Variants in TSPAN5 observed in about 807,000 individuals in gnomAD.
The protein encoded by TSPAN5 is tetraspanin 5.
In TSPAN5, 10 loss-of-function variants were observed where a neutral mutation model predicts 37.1. The ratio of observed to expected loss-of-function variants is 0.27; its 90% confidence interval spans 0.17 to 0.46. The LOEUF is 0.46. TSPAN5 is among the 20% of genes least tolerant of loss of function. TSPAN5 has a pLI of 1.00. For synonymous variants in TSPAN5, 110 were observed against 118.9 expected, an observed-to-expected ratio of 0.93 and a Z score of 0.48; for missense variants, 195 against 326.6, an observed-to-expected ratio of 0.60 and a Z score of 3.11.
intron 1 of TSPAN5, among the ~76,000 whole-genome samples, chr4:98,651,348 T>A (rs546624256): frequency 6.6e-6 from 1 of 152,350 alleles, no homozygotes; most frequent in East Asian, 1.9e-4. Context: ...ACTAAAAACA[T>A]GTAACTAAAT....
chr4:98,615,996 C>T (rs1229992095), intron 1 of TSPAN5, among the ~76,000 whole-genome samples: 1 of 152,158 alleles, frequency 6.6e-6, no homozygotes, highest in Non-Finnish European at 1.5e-5. Context: ...TAAGATTCAA[C>T]TGCCAGTGCA....
At chr4:98,658,105 T>A in intron 1 of TSPAN5, 41 bp downstream of exon 1, 1 of 1,548,584 alleles carries the variant, frequency 6.5e-7, no homozygotes. Context: ...CGCGAATCGA[T>A]CGGCCACAAT....
intron 1 of TSPAN5, among the ~76,000 whole-genome samples, chr4:98,655,051 T>C (rs1190253266): frequency 6.6e-6 from 1 of 152,202 alleles, no homozygotes; most frequent in African/African-American, 2.4e-5. Context: ...TTCACCATGT[T>C]GGCCAGGATG....
chr4:98,537,633 C>T (rs761689067), intron 1 of TSPAN5, among the ~76,000 whole-genome samples: 10 of 152,300 alleles, frequency 6.6e-5, no homozygotes, highest in Non-Finnish European at 1.3e-4. Flanking sequence ...TTTCTGCTGG[C>T]AAATCCCATG....
intron 3 of TSPAN5, chr4:98,485,163 G>C (rs1025200623): frequency 3.9e-5 from 6 of 154,578 alleles, no homozygotes; most frequent in African/African-American, 1.5e-4. Context: ...GGCCGAAACT[G>C]ATGAAATAGT....
chr4:98,532,278 G>A (rs1343740197), intron 1 of TSPAN5, among the ~76,000 whole-genome samples: 1 of 152,060 alleles, frequency 6.6e-6, no homozygotes, highest in Non-Finnish European at 1.5e-5. Flanking sequence ...AATTACCTTG[G>A]GCAGTATGGC....
At chr4:98,483,828 T>G (rs1245307837) in intron 3 of TSPAN5, 1 of 152,426 alleles carries the variant, frequency 6.6e-6, no homozygotes, top group Non-Finnish European at 1.5e-5. Context: ...TAATTTCAAT[T>G]TAAACTTTCC....
chr4:98,502,795 A>G (rs1753384502), intron 2 of TSPAN5, among the ~76,000 whole-genome samples: 1 of 152,058 alleles, frequency 6.6e-6, no homozygotes, highest in Non-Finnish European at 1.5e-5. Context: ...GGAAATTTCT[A>G]GTGACATGTC....
chr4:98,606,469 G>A (rs1330315267), intron 1 of TSPAN5, among the ~76,000 whole-genome samples: 1 of 152,130 alleles, frequency 6.6e-6, no homozygotes, highest in Non-Finnish European at 1.5e-5. Flanking sequence ...AAACTATAAT[G>A]GATATACAGG....
chr4:98,524,194 T>C (rs1165629357), intron 1 of TSPAN5, among the ~76,000 whole-genome samples: 2 of 152,250 alleles, frequency 1.3e-5, no homozygotes, highest in Non-Finnish European at 1.5e-5. Flanking sequence ...GGAAAAAAGA[T>C]TGCAAAGAGG....
At chr4:98,578,250 G>C (rs531852342) in intron 1 of TSPAN5, among the ~76,000 whole-genome samples, 5 of 152,232 alleles carry the variant, frequency 3.3e-5, no homozygotes, top group African/African-American at 7.2e-5. Context: ...TATCCCTGCA[G>C]AGCCAACACA....
At chr4:98,655,820 T>C (rs1429724460) in intron 1 of TSPAN5, among the ~76,000 whole-genome samples, 1 of 152,176 alleles carries the variant, frequency 6.6e-6, no homozygotes, top group Non-Finnish European at 1.5e-5. Flanking sequence ...TGCCTTTCTG[T>C]TGATCATCAC....
intron 1 of TSPAN5, among the ~76,000 whole-genome samples, chr4:98,522,602 G>A (rs1753878741): frequency 6.6e-6 from 1 of 152,208 alleles, no homozygotes; most frequent in African/African-American, 2.4e-5. Flanking sequence ...CTTGAGAGAT[G>A]AATGCAGGAT....
At chr4:98,525,735 T>C (rs1380000088) in intron 1 of TSPAN5, among the ~76,000 whole-genome samples, 1 of 152,222 alleles carries the variant, frequency 6.6e-6, no homozygotes, top group Non-Finnish European at 1.5e-5. Flanking sequence ...GAATCTTTAC[T>C]TAGTTTGCTG....
intron 1 of TSPAN5, among the ~76,000 whole-genome samples, chr4:98,543,975 C>T (rs533274180): frequency 1.1e-4 from 16 of 152,032 alleles, no homozygotes; most frequent in South Asian, 8.3e-4. Flanking sequence ...GCCAGGAGTT[C>T]GAGACCAAAG....
At chr4:98,571,546 C>A in intron 1 of TSPAN5, among the ~76,000 whole-genome samples, 1 of 148,716 alleles carries the variant, frequency 6.7e-6, no homozygotes, top group African/African-American at 2.5e-5. Flanking sequence ...TTTTATTATA[C>A]CATTCTGGGT....
intron 1 of TSPAN5, among the ~76,000 whole-genome samples, chr4:98,523,635 C>G (rs1269890391): frequency 6.6e-6 from 1 of 152,150 alleles, no homozygotes; most frequent in Non-Finnish European, 1.5e-5. Flanking sequence ...AAGGTTTCGC[C>G]ATGTTGGCCA....
At chr4:98,528,146 A>G (rs1030786257) in intron 1 of TSPAN5, among the ~76,000 whole-genome samples, 6 of 152,162 alleles carry the variant, frequency 3.9e-5, no homozygotes, top group African/African-American at 1.4e-4. Context: ...GCAAATCAGA[A>G]AAGCCAGCTG....
chr4:98,606,966 T>C (rs1034892810), intron 1 of TSPAN5, among the ~76,000 whole-genome samples: 13 of 152,094 alleles, frequency 8.5e-5, no homozygotes, highest in African/African-American at 3.1e-4. Context: ...GCAAAGGGCC[T>C]CCTCAGCTCA....
Sources: gnomAD v4.1 joint callset for allele counts (sites outside exome capture counted in the v4.1 genomes callset) on GRCh38, gnomAD v4.1.1 for gene constraint, MANE v1.5 for transcripts, NCBI Gene and HGNC (gene_info 2026-07-23, HGNC 2026-07-21) for gene names.